The following MTOR variants were observed in gnomAD, a reference collection of about 807,000 sequenced individuals.
MTOR encodes serine/threonine-protein kinase mTOR.
Under a neutral mutation model 319.8 loss-of-function variants are expected in MTOR, and 70 were observed. That is an observed-to-expected ratio of 0.22 (90% confidence interval 0.18 to 0.27). The LOEUF is 0.27. MTOR is among the 10% of genes least tolerant of loss of function. The pLI, the probability that MTOR is intolerant of heterozygous loss-of-function variation, is 1.00. For synonymous variants in MTOR, 1,183 were observed against 1,211.4 expected (o/e 0.98, Z 0.49); for missense variants, 1,890 against 3,274.4 (o/e 0.58, Z 10.32).
rs778300892 is a variant in MTOR, at chr1:11,209,450, T to C, written c.3663A>G (p.Thr1221=). 2.5e-6 allele frequency: 4 copies of C among 1,614,152 alleles called. No homozygotes were observed. The highest frequency in any genetic ancestry group is 2.5e-6 in the Non-Finnish European group (3 of 1,180,022). ...AAGGATCCTCCTCTTCATCAGCAAG[T>C]GTGTATCCCTACAACCAAAGATTTA... The part of the protein sequence containing the change: ...VLICRIVKGY[T]LADEEEDPLI... Residue 1221 remains threonine, a synonymous_variant, in exon 25 of 58, where the codon ACA becomes ACG. Coordinates refer to ENST00000361445, the MANE Select transcript of MTOR (RefSeq NM_004958.4).
At chr1:11,248,722 G>C (rs1649181891) in intron 6 of MTOR, among the ~76,000 whole-genome samples, 5 of 152,156 alleles carry the variant, frequency 3.3e-5, no homozygotes, top group Admixed American at 3.3e-4. Flanking sequence ...TGAGGCAGGA[G>C]AATCACTTGA....
chr1:11,228,579 A>C, intron 19 of MTOR, 89 bp downstream of exon 19: 1 of 1,529,618 alleles, frequency 6.5e-7, no homozygotes, highest in East Asian at 2.3e-5. Context: ...GGGCACAGAG[A>C]ATGCACAATT....
chr1:11,181,435 G>A (rs1473050418), intron 28 of MTOR, among the ~76,000 whole-genome samples: 1 of 152,182 alleles, frequency 6.6e-6, no homozygotes, highest in Non-Finnish European at 1.5e-5. Flanking sequence ...TGAGGCAAGA[G>A]AACTGCTTGA....
At chr1:11,232,584 T>A in intron 15 of MTOR, 56 bp from the exon 16 acceptor site, 20 of 1,495,528 alleles carry the variant, frequency 1.3e-5, no homozygotes, top group Non-Finnish European at 1.9e-5. Flanking sequence ...CATTAGAAAG[T>A]ATTTTGGAGG....
In MTOR at chr1:11,230,947, T is replaced by C. The variant is rs1646995949; in HGVS notation, c.2757A>G (p.Glu919=). The change falls in exon 18 of 58, where the codon GAA becomes GAG. Residue 919 remains glutamate, a synonymous_variant. Transcript: ENST00000361445. ...TACAGGAATCCTGACTTGACTTGGA[T>C]TCTGACAGGCTGACAGCAGAGGCAT... ...SRDASAVSLS[E]SKSSQDSSDY... 1 of 1,614,076 alleles carries C rather than the reference T, an allele frequency of 6.2e-7. No homozygotes were observed. Among genetic ancestry groups the C allele is most frequent in the Non-Finnish European group, 8.5e-7 (1 of 1,180,018 alleles).
intron 30 of MTOR, among the ~76,000 whole-genome samples, chr1:11,156,490 G>C (rs1303999979): frequency 6.6e-6 from 1 of 152,112 alleles, no homozygotes; most frequent in Non-Finnish European, 1.5e-5. Context: ...TGCACCTGGA[G>C]TACCTGTTTC....
intron 30 of MTOR, 91 bp downstream of exon 30, chr1:11,157,061 C>A (rs1644341717): frequency 1.4e-6 from 2 of 1,463,736 alleles, no homozygotes; most frequent in South Asian, 1.4e-5. Context: ...GAAGTGAGAA[C>A]TCCGTGTGGG....
intron 30 of MTOR, among the ~76,000 whole-genome samples, chr1:11,156,714 C>G (rs148120683): frequency 1.4e-4 from 22 of 152,238 alleles, no homozygotes; most frequent in Non-Finnish European, 2.8e-4. Flanking sequence ...TTCCTTGGAG[C>G]CTGGCATAGT....
intron 28 of MTOR, chr1:11,194,405 G>A: frequency 6.5e-7 from 1 of 1,547,110 alleles, no homozygotes. Context: ...GGGGTATAGA[G>A]ACAGCATGAA....
At chr1:11,141,700 A>G (rs1311326463) in intron 34 of MTOR, among the ~76,000 whole-genome samples, 3 of 150,234 alleles carry the variant, frequency 2.0e-5, no homozygotes, top group Non-Finnish European at 4.4e-5. Context: ...AAAAAAAAGA[A>G]AAAAGGCGGG....
chr1:11,179,528 T>C (rs1169891175), intron 28 of MTOR, among the ~76,000 whole-genome samples: 1 of 152,244 alleles, frequency 6.6e-6, no homozygotes, highest in Non-Finnish European at 1.5e-5. Flanking sequence ...CTCTGTCCTT[T>C]TGGCCAGCTT....
At chr1:11,213,337 G>T in intron 21 of MTOR, 62 bp downstream of exon 21, 1 of 1,547,764 alleles carries the variant, frequency 6.5e-7, no homozygotes, top group South Asian at 1.2e-5. Context: ...GCTTTTAGCT[G>T]ATCACCCAGG....
intron 28 of MTOR, chr1:11,194,761 T>C: frequency 6.3e-7 from 1 of 1,597,078 alleles, no homozygotes; most frequent in Non-Finnish European, 8.6e-7. Context: ...TATTCCGGTT[T>C]TGGTATTCTT....
intron 25 of MTOR, among the ~76,000 whole-genome samples, chr1:11,205,082 C>T (rs749412545): frequency 2.0e-5 from 3 of 152,166 alleles, no homozygotes; most frequent in Non-Finnish European, 2.9e-5. Context: ...TGAAGAGTCA[C>T]GCAAGAAGAG....
intron 54 of MTOR, among the ~76,000 whole-genome samples, 192 bp downstream of exon 54, chr1:11,112,660 G>T (rs1312769683): frequency 6.6e-6 from 1 of 152,172 alleles, no homozygotes; most frequent in African/African-American, 2.4e-5. Context: ...CTGGACAAGG[G>T]GGAGAGCCTC....
intron 19 of MTOR, among the ~76,000 whole-genome samples, chr1:11,220,699 C>T (rs1376623796): frequency 6.6e-6 from 1 of 152,134 alleles, no homozygotes; most frequent in East Asian, 1.9e-4. Context: ...CTAGAAAAAG[C>T]AAGGAAAACA....
At chr1:11,223,894 C>T (rs1646746974) in intron 19 of MTOR, among the ~76,000 whole-genome samples, 2 of 151,778 alleles carry the variant, frequency 1.3e-5, no homozygotes, top group Non-Finnish European at 2.9e-5. Context: ...ACAAAATTAG[C>T]TGGGCATGGT....
intron 23 of MTOR, among the ~76,000 whole-genome samples, chr1:11,211,199 T>C (rs1230392689): frequency 6.6e-6 from 1 of 152,224 alleles, no homozygotes; most frequent in Non-Finnish European, 1.5e-5. Flanking sequence ...TCAGATCTTA[T>C]TTTTCCTGTG....
At chr1:11,126,951 C>G (rs1265856209) in intron 45 of MTOR, 59 bp downstream of exon 45, 1 of 1,602,258 alleles carries the variant, frequency 6.2e-7, no homozygotes, top group Non-Finnish European at 8.5e-7. Flanking sequence ...CATTCATAGA[C>G]AGTAAAACAG....
Sources: allele counts gnomAD v4.1 joint callset (sites outside exome capture counted in the v4.1 genomes callset), GRCh38; gene constraint gnomAD v4.1.1; transcripts MANE v1.5; gene names NCBI Gene and HGNC (gene_info 2026-07-23, HGNC 2026-07-21).